NTM: variants seen among roughly 807,000 people sequenced by gnomAD.
The protein encoded by NTM is IgLON family member 2.
A neutral mutation model predicts 42.1 loss-of-function variants in NTM; 13 were observed. That is an observed-to-expected ratio of 0.31 (90% confidence interval 0.20 to 0.49). The LOEUF is 0.49. Among genes scored for constraint, NTM ranks in the 20% least tolerant of loss-of-function variants. NTM has a pLI of 0.99. For synonymous variants in NTM, 187 were observed against 179.2 expected (o/e 1.04, Z -0.35); for missense variants, 373 against 452.8 (o/e 0.82, Z 1.60).
At chr11:131,909,831 C>A (rs979109599) in intron 1 of NTM, 7 of 152,160 alleles carry the variant, frequency 4.6e-5, no homozygotes, top group Non-Finnish European at 1.0e-4. Flanking sequence ...GAGAAACACA[C>A]CTCTTAAAGA....
At chr11:131,444,224 A>AAAAAAAAAAAAAG (rs1949856416) in intron 1 of NTM, among the ~76,000 whole-genome samples, 1 of 150,612 alleles carries the variant, frequency 6.6e-6, no homozygotes. Context: ...AAAAAAAAAA[A>AAAAAAAAAAAAAG]AAAATAGAAG....
intron 1 of NTM, among the ~76,000 whole-genome samples, chr11:131,505,464 C>T (rs1301543930): frequency 1.3e-5 from 2 of 152,192 alleles, no homozygotes; most frequent in African/African-American, 4.8e-5. Flanking sequence ...CGTTTTCCAT[C>T]AGAATTGGCA....
At chr11:132,158,092 C>T (rs936242631) in intron 3 of NTM, among the ~76,000 whole-genome samples, 1 of 152,208 alleles carries the variant, frequency 6.6e-6, no homozygotes, top group Non-Finnish European at 1.5e-5. Context: ...CTTCGTTGTT[C>T]CTGATTTAGT....
chr11:131,833,979 A>G (rs2043154144), intron 1 of NTM, among the ~76,000 whole-genome samples: 1 of 152,164 alleles, frequency 6.6e-6, no homozygotes, highest in South Asian at 2.1e-4. Context: ...ATTTCCACTC[A>G]GGACTCATCT....
intron 4 of NTM, among the ~76,000 whole-genome samples, chr11:132,239,852 T>G (rs2089850733): frequency 6.6e-6 from 1 of 152,252 alleles, no homozygotes; most frequent in Admixed American, 6.5e-5. Context: ...CATCACTAAT[T>G]TATTTTCATA....
chr11:131,373,212 G>A (rs897666719), intron 1 of NTM, among the ~76,000 whole-genome samples: 1 of 152,192 alleles, frequency 6.6e-6, no homozygotes, highest in African/African-American at 2.4e-5. Context: ...TATCAAACTT[G>A]CAGAATTACT....
chr11:131,829,865 T>C (rs1163032385), intron 1 of NTM, among the ~76,000 whole-genome samples: 1 of 152,160 alleles, frequency 6.6e-6, no homozygotes, highest in Non-Finnish European at 1.5e-5. Flanking sequence ...TTTTTAATAA[T>C]AGCCACTCTG....
At chr11:131,752,711 C>T (rs536151875) in intron 1 of NTM, among the ~76,000 whole-genome samples, 5 of 152,052 alleles carry the variant, frequency 3.3e-5, no homozygotes, top group Non-Finnish European at 5.9e-5. Context: ...AAACTGGATC[C>T]CTTCCTTACA....
intron 2 of NTM, among the ~76,000 whole-genome samples, chr11:132,092,948 C>A (rs1231984386): frequency 6.6e-6 from 1 of 152,166 alleles, no homozygotes; most frequent in Non-Finnish European, 1.5e-5. Context: ...TATGGCAACC[C>A]CTAACTGGCC....
At chr11:131,762,754 AT>A (rs1471309888) in intron 1 of NTM, among the ~76,000 whole-genome samples, 1 of 152,214 alleles carries the variant, frequency 6.6e-6, no homozygotes, top group Non-Finnish European at 1.5e-5. Context: ...AGGTGACCCC[AT>A]TATGATAATG....
At chr11:132,168,266 A>T (rs1380947363) in intron 3 of NTM, among the ~76,000 whole-genome samples, 6 of 152,182 alleles carry the variant, frequency 3.9e-5, no homozygotes, top group Non-Finnish European at 1.5e-5. Flanking sequence ...GGCAAATCCT[A>T]GGCCCATTCT....
intron 2 of NTM, among the ~76,000 whole-genome samples, chr11:132,110,852 TAGAG>T (rs1187805937): frequency 1.3e-5 from 2 of 151,780 alleles, no homozygotes; most frequent in Non-Finnish European, 2.9e-5. Context: ...CTGGGCAACA[TAGAG>T]AGACCTCATC....
At chr11:132,178,465 C>T (rs2077123984) in intron 3 of NTM, among the ~76,000 whole-genome samples, 1 of 152,100 alleles carries the variant, frequency 6.6e-6, no homozygotes, top group Non-Finnish European at 1.5e-5. Context: ...AAGAGGTATT[C>T]TCTTTTTCCT....
At chr11:131,704,445 TG>T (rs1291440505) in intron 1 of NTM, among the ~76,000 whole-genome samples, 7 of 152,324 alleles carry the variant, frequency 4.6e-5, no homozygotes, top group Admixed American at 1.3e-4. Context: ...CCTCATTAGA[TG>T]GCCCCACCCA....
At chr11:131,407,944 C>G (rs1045475104) in intron 1 of NTM, among the ~76,000 whole-genome samples, 3 of 152,220 alleles carry the variant, frequency 2.0e-5, no homozygotes, top group African/African-American at 7.2e-5. Flanking sequence ...TTAATAGTTT[C>G]GTGGATGGTA....
chr11:132,192,222 C>G (rs1479558564), intron 3 of NTM, among the ~76,000 whole-genome samples: 1 of 152,014 alleles, frequency 6.6e-6, no homozygotes, highest in African/African-American at 2.4e-5. Context: ...ATCAGACTCT[C>G]CAAGGTCAAA....
intron 2 of NTM, among the ~76,000 whole-genome samples, chr11:132,051,170 A>G (rs1237664333): frequency 6.6e-6 from 1 of 152,238 alleles, no homozygotes; most frequent in Non-Finnish European, 1.5e-5. Flanking sequence ...GGAAAAATAC[A>G]GATAGTGCCT....
chr11:132,298,225 T>C (rs2094697820), intron 4 of NTM, among the ~76,000 whole-genome samples: 1 of 152,264 alleles, frequency 6.6e-6, no homozygotes, highest in South Asian at 2.1e-4. Flanking sequence ...ACAGCCAAGA[T>C]ACTGAGGCAA....
chr11:131,669,264 C>T (rs985579330), intron 1 of NTM, among the ~76,000 whole-genome samples: 7 of 152,174 alleles, frequency 4.6e-5, no homozygotes, highest in African/African-American at 1.4e-4. Context: ...AGATCAAAAC[C>T]ATGGAGGAAA....
Sources: allele counts gnomAD v4.1 joint callset (sites outside exome capture counted in the v4.1 genomes callset), GRCh38; gene constraint gnomAD v4.1.1; transcripts MANE v1.5; gene names NCBI Gene and HGNC (gene_info 2026-07-23, HGNC 2026-07-21).